POLR2E: variants seen among roughly 807,000 people sequenced by gnomAD.
POLR2E encodes the protein DNA-directed RNA polymerases I, II, and III subunit RPABC1.
A neutral mutation model predicts 29.8 loss-of-function variants in POLR2E; 35 were observed. The ratio of observed to expected loss-of-function variants is 1.17; its 90% CI spans 0.90 to 1.55. The LOEUF is 1.55. Among genes scored for constraint, POLR2E ranks in the 40% most tolerant of loss-of-function variants. The probability of loss-of-function intolerance (pLI) is 0.00; values close to 1 mark genes in which losing one functional copy is unlikely to be tolerated. For synonymous variants in POLR2E, 174 were observed against 112.6 expected (o/e 1.55, Z -3.45); for missense variants, 287 against 288.6 (o/e 0.99, Z 0.04).
intron 2 of POLR2E, 63 bp downstream of exon 2, chr19:1,093,841 G>A: frequency 3.4e-6 from 5 of 1,491,872 alleles, no homozygotes; most frequent in South Asian, 1.4e-5. Flanking sequence ...GGGTGCTAGC[G>A]ACCGGCTCCT....
chr19:1,086,932 C>T lies in POLR2E; in HGVS notation c.*1803G>A, dbSNP rs754512366. On this transcript the variant is annotated 3_prime_UTR_variant, in exon 8 of 8. Coordinates refer to ENST00000615234, the MANE Select transcript of POLR2E (RefSeq NM_002695.5). ...CGTATCCCCCGGCTCTAAGGTTTCGCACGTCAGCCCCACATGGCCACCAAG... is the reference window on the plus strand; with the variant it reads ...CGTATCCCCCGGCTCTAAGGTTTCGTACGTCAGCCCCACATGGCCACCAAG... 6.6e-6 allele frequency: 1 copy of T among 152,162 alleles called. No homozygotes were observed. Among genetic ancestry groups the T allele is most frequent in the Non-Finnish European group, 1.5e-5 (1 of 68,030 alleles). The allele number at this position is 152,162 out of a possible 1,614,324, so 9.4% of individuals were successfully genotyped here.
Position 1,088,679 on chromosome 19 carries a change from G to T in POLR2E, c.*56C>A, listed in dbSNP as rs1047316515. ...GGATTCTGGCAGGGCAGGGGCGTTT[G>T]TCCTGCAGGGATGGGGGTCGCTGTG... On this transcript the variant is annotated 3_prime_UTR_variant, in exon 8 of 8. Coordinates refer to ENST00000615234, the MANE Select transcript of POLR2E (RefSeq NM_002695.5). 2 of 152,720 alleles carry T rather than the reference G, an allele frequency of 1.3e-5. No individual in the cohort carries two copies. The highest frequency in any genetic ancestry group is 2.9e-5 in the Non-Finnish European group (2 of 68,382). The allele number at this position is 152,720 out of a possible 1,614,324, so 9.5% of individuals were successfully genotyped here. A position where few individuals can be genotyped will look rare whatever the true frequency, so the allele number is the denominator to read the frequency against.
chr19:1,094,360 A>G (rs1277478677), intron 1 of POLR2E: 2 of 434,666 alleles, frequency 4.6e-6, no homozygotes, highest in Non-Finnish European at 8.2e-6. Flanking sequence ...AAAGCCCTCC[A>G]AACCACTTTG....
At chr19:1,091,688 T>TG in intron 3 of POLR2E, 104 bp downstream of exon 3, 3 of 753,542 alleles carry the variant, frequency 4.0e-6, no homozygotes, top group Non-Finnish European at 6.8e-6. Flanking sequence ...GCACCCTGGC[T>TG]GGCCTGGCCC....
rs149982395 is a variant in POLR2E at position 1,090,137 on chromosome 19, A to C, written c.438T>G (p.Pro146=). Residue 146 remains proline (P), a synonymous_variant, in exon 5 of 8, where the codon CCT becomes CCG. Transcript: ENST00000615234. ...LINITEHELV[P]EHVVMTKEEV... is the part of the protein sequence containing the mutation. Reference sequence around the variant, plus strand: ...CCTCCTTGGTCATGACGACGTGCTCAGGGACTAGCTGCCGAGAGAGGAAGC... The same window carrying C: ...CCTCCTTGGTCATGACGACGTGCTCCGGGACTAGCTGCCGAGAGAGGAAGC... 6.2e-7 allele frequency: 1 copy of C among 1,612,468 alleles called. No individual in the cohort carries two copies. Among genetic ancestry groups the C allele is most frequent in the Non-Finnish European group, 8.5e-7 (1 of 1,179,936 alleles).
At position 1,090,968 on chromosome 19, in the gene POLR2E, G is replaced by A. The variant is rs1223385788; in HGVS notation, c.369C>T (p.Pro123=). The A allele has an allele frequency of 2.5e-6, 4 of 1,613,666 alleles. No homozygotes were observed. The highest frequency in any genetic ancestry group is 3.4e-6 in the Non-Finnish European group (4 of 1,179,960). Residue 123 remains proline, a synonymous_variant, in exon 4 of 8, where the codon CCC becomes CCT. Coordinates refer to ENST00000615234, the MANE Select transcript of POLR2E (RefSeq NM_002695.5). ...SAKQSLVDMA[P]KYILEQFLQQ... ...GCAGAAACTGCTCCAGGATGTACTT[G>A]GGGGCCATGTCGACCAGGGACTGGA...
chr19:1,093,699 G>A lies in POLR2E; in HGVS notation c.232+205C>T. 2 of 1,355,760 alleles carry A rather than the reference G, an allele frequency of 1.5e-6. 1 individual carries two copies. The highest frequency in any genetic ancestry group is 3.5e-5 in the South Asian group (2 of 57,558). The allele number at this position is 1,355,760 out of a possible 1,614,324, so 84.0% of individuals were successfully genotyped here. Reference sequence around the variant, plus strand: ...GCAGGAAGAGAGAAGGGGACTGAGAGGGAAACTAGAAAGAAGCTGAGCATG... The same window carrying A: ...GCAGGAAGAGAGAAGGGGACTGAGAAGGAAACTAGAAAGAAGCTGAGCATG... On this transcript the variant is annotated intron_variant, in intron 2 of 7. Coordinates refer to ENST00000615234, the MANE Select transcript of POLR2E (RefSeq NM_002695.5).
At position 1,086,630 on chromosome 19, in the gene POLR2E, GT is replaced by G. The variant is rs2145116911; in HGVS notation, c.*2104del. On this transcript the variant is annotated 3_prime_UTR_variant, in exon 8 of 8. Transcript: ENST00000615234. The stretch of plus-strand genomic sequence containing the variant: ...TGAAATAAAAAGTTTTTAATCGGGT[GT>G]TTTCTGTGGCAGCTGCAAGCTTAGA... The G allele has an allele frequency of 6.6e-6, 1 of 152,392 alleles. No individual in the cohort carries two copies. Among genetic ancestry groups the G allele is most frequent in the Admixed American group, 6.5e-5 (1 of 15,298 alleles). The allele number at this position is 152,392 out of a possible 1,614,324, so 9.4% of individuals were successfully genotyped here.
At chr19:1,093,518 A>C (rs986719168) in intron 2 of POLR2E, among the ~76,000 whole-genome samples, 5 of 152,100 alleles carry the variant, frequency 3.3e-5, no homozygotes, top group Non-Finnish European at 7.4e-5. Context: ...GCCGCAGCTC[A>C]CAAGGAGGCT....
At chr19:1,095,234 G>T (rs369200855) in intron 1 of POLR2E, 25 bp downstream of exon 1, 1 of 1,609,996 alleles carries the variant, frequency 6.2e-7, no homozygotes, top group East Asian at 2.2e-5. Flanking sequence ...CCGCGCCCCC[G>T]CCCCCAACAC....
chr19:1,091,979 C>A, intron 2 of POLR2E, 72 bp from the exon 3 acceptor site: 5 of 1,052,996 alleles, frequency 4.7e-6, no homozygotes, highest in Non-Finnish European at 7.3e-6. Context: ...GAGCCCAGAG[C>A]ACCCAGGTTC....
At position 1,095,261 on chromosome 19, in the gene POLR2E, G is replaced by A. The variant is rs2043916132; in HGVS notation, c.55C>T (p.Gln19Ter). The A allele has an allele frequency of 6.2e-7, 1 of 1,613,002 alleles. No individual in the cohort carries two copies. Among genetic ancestry groups the A allele is most frequent in the Admixed American group, 1.7e-5 (1 of 59,982 alleles). ...RLWKIRKTIM[Q>*]LCHDRGYLVT... ...CCCCAACACCAGGCGCGGCTCACCTGCATGATGGTCTTGCGGATTTTCCAG... is the reference window on the plus strand; with the variant it reads ...CCCCAACACCAGGCGCGGCTCACCTACATGATGGTCTTGCGGATTTTCCAG... Residue 19 changes from glutamine to a stop codon, truncating the protein, a stop_gained and splice_region_variant, in exon 1 of 8, where the codon CAG becomes TAG. Transcript: ENST00000615234. LOFTEE classifies it high-confidence loss of function.
intron 6 of POLR2E, 108 bp downstream of exon 6, chr19:1,089,776 C>T: frequency 1.0e-6 from 1 of 957,862 alleles, no homozygotes; most frequent in South Asian, 1.5e-5. Flanking sequence ...GAGGTCCCCT[C>T]CAGGCCCTGG....
chr19:1,093,263 CACTGAT>C (rs2043875592), intron 2 of POLR2E, among the ~76,000 whole-genome samples: 1 of 152,236 alleles, frequency 6.6e-6, no homozygotes, highest in Non-Finnish European at 1.5e-5. Context: ...TCCGTCACCC[CACTGAT>C]TAATTCTGGG....
rs1439171210 is a variant in POLR2E, at chr19:1,089,555, CAG to C, written c.568-6_568-5del. ...TGGGCCGGATGATCTTCACCACCTGCAGAGACAGAGAGCAGGGGCTGCGAATG... is the reference window on the plus strand; with the variant it reads ...TGGGCCGGATGATCTTCACCACCTGCAGACAGAGAGCAGGGGCTGCGAATG... On this transcript the variant is annotated splice_polypyrimidine_tract_variant and splice_region_variant and intron_variant, in intron 6 of 7. Transcript: ENST00000615234. The C allele has an allele frequency of 5.0e-6, 8 of 1,613,072 alleles. No homozygotes were observed. The African/African-American group carries it at 9.3e-5, about 19-fold the overall frequency.
In POLR2E at chr19:1,090,137, A is replaced by AGG. The variant is rs753303929; in HGVS notation, c.436_437dup (p.Glu147LeufsTer6). 6.2e-7 allele frequency: 1 copy of AGG among 1,612,586 alleles called. No individual in the cohort carries two copies. The highest frequency in any genetic ancestry group is 8.5e-7 in the Non-Finnish European group (1 of 1,179,928). On this transcript the variant is annotated frameshift_variant, in exon 5 of 8. Transcript: ENST00000615234. LOFTEE classifies it high-confidence loss of function. ...CCTCCTTGGTCATGACGACGTGCTC[A>AGG]GGGACTAGCTGCCGAGAGAGGAAGC...
intron 3 of POLR2E, among the ~76,000 whole-genome samples, chr19:1,091,247 C>T (rs1010213553): frequency 1.3e-5 from 2 of 152,228 alleles, no homozygotes; most frequent in Admixed American, 1.3e-4. Context: ...CTTCCAGGGG[C>T]GGCCCTCAGA....
At chr19:1,090,039 GTCTCGA>G in intron 5 of POLR2E, 42 bp downstream of exon 5, 1 of 1,559,004 alleles carries the variant, frequency 6.4e-7, no homozygotes, top group East Asian at 2.3e-5. Flanking sequence ...GAACGCGGAA[GTCTCGA>G]GGGACAGGGA....
At chr19:1,089,649 G>A (rs1400648734) in intron 6 of POLR2E, 98 bp from the exon 7 acceptor site, 4 of 1,074,696 alleles carry the variant, frequency 3.7e-6, no homozygotes, top group Admixed American at 1.8e-5. Flanking sequence ...ATGGCCGGCA[G>A]GGGTCCGAGA....
Sources: gnomAD v4.1 joint callset for allele counts (sites outside exome capture counted in the v4.1 genomes callset) on GRCh38, gnomAD v4.1.1 for gene constraint, MANE v1.5 for transcripts, NCBI Gene and HGNC (gene_info 2026-07-23, HGNC 2026-07-21) for gene names.